FAM24B: variants seen among roughly 807,000 people sequenced by gnomAD.
FAM24B encodes the protein family with sequence similarity 24 member B, also known as protein FAM24B.
In FAM24B, 3 loss-of-function variants were observed where a neutral mutation model predicts 2.3. The observed-to-expected ratio is 1.29, with a 90% CI of 0.59 to 3.32. The LOEUF (loss-of-function observed/expected upper bound fraction) is 3.32. FAM24B is among the 30% of genes most tolerant of loss of function. FAM24B has a pLI of 0.03. For synonymous variants in FAM24B, 36 were observed against 46.3 expected (o/e 0.78, Z 0.90); for missense variants, 98 against 117.2 (o/e 0.84, Z 0.76).
At chr10:122,861,394 A>G (rs1199392577) in intron 1 of FAM24B, among the ~76,000 whole-genome samples, 4 of 152,226 alleles carry the variant, frequency 2.6e-5, no homozygotes, top group African/African-American at 9.6e-5. Flanking sequence ...TAAAATTAAT[A>G]GTGTGAGTCC....
At chr10:122,862,230 C>T (rs540005073) in intron 1 of FAM24B, among the ~76,000 whole-genome samples, 8 of 152,312 alleles carry the variant, frequency 5.3e-5, no homozygotes, top group African/African-American at 1.9e-4. Flanking sequence ...CTACAAGACA[C>T]CCTCTATCTT....
At chr10:122,853,597 T>G (rs1469090151) in intron 2 of FAM24B, among the ~76,000 whole-genome samples, 1 of 152,130 alleles carries the variant, frequency 6.6e-6, no homozygotes, top group East Asian at 1.9e-4. Flanking sequence ...ATATGGAAAT[T>G]TGAATTGTTG....
At chr10:122,872,325 T>C (rs569806776) in intron 1 of FAM24B, among the ~76,000 whole-genome samples, 1 of 152,330 alleles carries the variant, frequency 6.6e-6, no homozygotes, top group African/African-American at 2.4e-5. Context: ...GGAACACTTT[T>C]ACACTGTTGG....
chr10:122,867,910 C>A (rs1369688601), intron 1 of FAM24B, among the ~76,000 whole-genome samples: 1 of 152,186 alleles, frequency 6.6e-6, no homozygotes, highest in African/African-American at 2.4e-5. Flanking sequence ...GAACGCAGCT[C>A]CTCACTAGCA....
intron 1 of FAM24B, among the ~76,000 whole-genome samples, chr10:122,857,699 A>G (rs1288806307): frequency 2.0e-5 from 3 of 152,198 alleles, no homozygotes; most frequent in African/African-American, 7.2e-5. Context: ...TTTTCTCCAA[A>G]GCACTCATCA....
chr10:122,866,678 T>A (rs1447213352), intron 1 of FAM24B, among the ~76,000 whole-genome samples: 1 of 152,148 alleles, frequency 6.6e-6, no homozygotes, highest in Admixed American at 6.6e-5. Context: ...ATTGTTTTGG[T>A]CCACCATGAA....
intron 1 of FAM24B, among the ~76,000 whole-genome samples, chr10:122,859,740 GA>G (rs1219932688): frequency 6.6e-6 from 1 of 152,222 alleles, no homozygotes; most frequent in African/African-American, 2.4e-5. Context: ...AAGCAGGACT[GA>G]AGGGTCAATG....
intron 2 of FAM24B, 163 bp downstream of exon 2, chr10:122,855,482 A>G (rs1473179268): frequency 1.3e-5 from 2 of 152,238 alleles, no homozygotes; most frequent in African/African-American, 2.4e-5. Context: ...GGAAGATCAC[A>G]ATCTGCCACG....
At chr10:122,856,180 TA>T (rs1387562676) in intron 1 of FAM24B, among the ~76,000 whole-genome samples, 2 of 151,886 alleles carry the variant, frequency 1.3e-5, no homozygotes, top group African/African-American at 2.4e-5. Context: ...CCCTCATTGT[TA>T]AGTGACTCAC....
At chr10:122,871,927 A>C (rs1390889382) in intron 1 of FAM24B, among the ~76,000 whole-genome samples, 1 of 152,236 alleles carries the variant, frequency 6.6e-6, no homozygotes, top group Non-Finnish European at 1.5e-5. Context: ...CAAAAGCCAA[A>C]ATTGACAAAC....
At chr10:122,866,923 T>A (rs182714283) in intron 1 of FAM24B, among the ~76,000 whole-genome samples, 1 of 152,288 alleles carries the variant, frequency 6.6e-6, no homozygotes, top group East Asian at 1.9e-4. Flanking sequence ...GCTTAGTGAG[T>A]AAGGCATGTT....
chr10:122,860,827 C>T (rs972694651), intron 1 of FAM24B, among the ~76,000 whole-genome samples: 1 of 152,104 alleles, frequency 6.6e-6, no homozygotes, highest in African/African-American at 2.4e-5. Context: ...TGGTAGATAA[C>T]TTCCTTGATA....
At chr10:122,859,872 A>C (rs1264374197) in intron 1 of FAM24B, among the ~76,000 whole-genome samples, 1 of 152,014 alleles carries the variant, frequency 6.6e-6, no homozygotes, top group Non-Finnish European at 1.5e-5. Flanking sequence ...GCCTATATTG[A>C]CTAGTCACTG....
intron 3 of FAM24B, 62 bp downstream of exon 3, chr10:122,850,362 C>T (rs563054529): frequency 3.0e-6 from 4 of 1,341,624 alleles, no homozygotes; most frequent in East Asian, 4.6e-5. Flanking sequence ...TGAGGAAGTG[C>T]TATCCCCTTT....
rs1287029768 is a variant in FAM24B at position 122,874,455 on chromosome 10, A to G, written c.-178+5030T>C. 1.1e-4 allele frequency among the ~76,000 whole-genome samples: 16 copies of G among 152,272 alleles called. No individual in the cohort carries two copies. In the East Asian group the frequency reaches 3.1e-3, roughly 29 times the overall value. ...TTGCAACACAGGTTTATCACTGACA[A>G]ATTTCCTTAGCTTTTGTTTAAGAAA... On this transcript the variant is annotated intron_variant, in intron 1 of 3. Transcript: ENST00000368898.
intron 1 of FAM24B, among the ~76,000 whole-genome samples, chr10:122,879,185 T>C (rs770454538): frequency 2.0e-5 from 3 of 152,278 alleles, no homozygotes; most frequent in Non-Finnish European, 2.9e-5. Context: ...GGCAACGCCG[T>C]AGGATCAGGG....
chr10:122,872,628 C>T (rs966812344), intron 1 of FAM24B, among the ~76,000 whole-genome samples: 1 of 152,080 alleles, frequency 6.6e-6, no homozygotes, highest in Non-Finnish European at 1.5e-5. Flanking sequence ...GAGTTCATGT[C>T]CTTTGTAGGG....
intron 1 of FAM24B, among the ~76,000 whole-genome samples, chr10:122,872,703 G>A (rs1207702989): frequency 2.6e-5 from 4 of 151,832 alleles, no homozygotes; most frequent in Non-Finnish European, 4.4e-5. Flanking sequence ...ACCAAACACC[G>A]CATGTTCTCA....
At chr10:122,849,644 A>C (rs1279306681) in intron 3 of FAM24B, among the ~76,000 whole-genome samples, 1 of 152,084 alleles carries the variant, frequency 6.6e-6, no homozygotes, top group Non-Finnish European at 1.5e-5. Context: ...AACTGAGGTT[A>C]CAAAAGCAAG....
Sources: gnomAD v4.1 joint callset for allele counts (sites outside exome capture counted in the v4.1 genomes callset) on GRCh38, gnomAD v4.1.1 for gene constraint, MANE v1.5 for transcripts, NCBI Gene and HGNC (gene_info 2026-07-23, HGNC 2026-07-21) for gene names.